Variants in ELP4 observed in about 807,000 individuals in gnomAD.
The protein encoded by ELP4 is elongator acetyltransferase complex subunit 4.
In ELP4, 51 loss-of-function variants were observed where a neutral mutation model predicts 48.9. That is an observed-to-expected ratio of 1.04 (90% CI 0.83 to 1.32). The LOEUF (loss-of-function observed/expected upper bound fraction) is 1.32, where lower values mean the gene tolerates loss of function less well. Among genes scored for constraint, ELP4 ranks in the 40% most tolerant of loss-of-function variants. ELP4 has a pLI of 0.00. For missense variants in ELP4, 519 were observed against 514.6 expected (o/e 1.01, Z -0.08); for synonymous variants, 210 against 189.2 (o/e 1.11, Z -0.90).
intron 9 of ELP4, among the ~76,000 whole-genome samples, chr11:31,705,572 A>G (rs1047090084): frequency 4.6e-5 from 7 of 152,160 alleles, no homozygotes; most frequent in Admixed American, 2.6e-4. Flanking sequence ...TTTTATTTTG[A>G]CATGTTAATT....
chr11:31,702,486 T>G (rs1258600550), intron 9 of ELP4, among the ~76,000 whole-genome samples: 5 of 152,064 alleles, frequency 3.3e-5, no homozygotes, highest in Non-Finnish European at 2.9e-5. Context: ...AACATACAAC[T>G]TTTAAATGTA....
chr11:31,642,310 C>A (rs1025511409), intron 7 of ELP4, among the ~76,000 whole-genome samples: 10 of 151,736 alleles, frequency 6.6e-5, no homozygotes, highest in African/African-American at 2.4e-4. Context: ...AACAATATTT[C>A]TGAAAGTAAA....
chr11:31,555,450 C>T (rs1385491407), intron 3 of ELP4, among the ~76,000 whole-genome samples: 2 of 151,882 alleles, frequency 1.3e-5, no homozygotes, highest in African/African-American at 4.8e-5. Context: ...ATATTTCTTA[C>T]ATATTTGTTA....
intron 9 of ELP4, among the ~76,000 whole-genome samples, chr11:31,685,095 G>A (rs1328647102): frequency 2.6e-5 from 4 of 152,182 alleles, no homozygotes; most frequent in African/African-American, 9.6e-5. Flanking sequence ...GCTCAAGCCT[G>A]TAATCCCAGC....
chr11:31,558,349 A>T (rs1307223786), intron 3 of ELP4, among the ~76,000 whole-genome samples: 3 of 152,168 alleles, frequency 2.0e-5, no homozygotes, highest in Non-Finnish European at 4.4e-5. Flanking sequence ...GAAGGATAAG[A>T]TAAAAATTAA....
At chr11:31,622,792 G>A (rs1944650704) in intron 5 of ELP4, among the ~76,000 whole-genome samples, 1 of 151,218 alleles carries the variant, frequency 6.6e-6, no homozygotes, top group Non-Finnish European at 1.5e-5. Context: ...GTGTCATTTG[G>A]CCCCTTTTAT....
intron 2 of ELP4, among the ~76,000 whole-genome samples, chr11:31,533,532 C>A (rs1031490607): frequency 6.6e-6 from 1 of 151,592 alleles, no homozygotes. Flanking sequence ...CGCCGGCCAT[C>A]AAGCCCGGCT....
At chr11:31,616,940 T>A (rs1261010392) in intron 5 of ELP4, among the ~76,000 whole-genome samples, 1 of 152,040 alleles carries the variant, frequency 6.6e-6, no homozygotes, top group Non-Finnish European at 1.5e-5. Flanking sequence ...AGATCAAGTG[T>A]TGGTTAGGAT....
intron 3 of ELP4, among the ~76,000 whole-genome samples, chr11:31,546,785 C>A (rs1424013798): frequency 6.6e-6 from 1 of 152,118 alleles, no homozygotes; most frequent in Non-Finnish European, 1.5e-5. Context: ...AACAAACTGT[C>A]TCTCAGACCA....
chr11:31,523,763 C>T (rs2133883866), intron 2 of ELP4, among the ~76,000 whole-genome samples: 1 of 151,796 alleles, frequency 6.6e-6, no homozygotes, highest in Non-Finnish European at 1.5e-5. Context: ...ATTTTAAAAT[C>T]AAAGATAGAT....
chr11:31,510,456 C>A (rs892543131), intron 1 of ELP4: 1 of 410,602 alleles, frequency 2.4e-6, no homozygotes, highest in East Asian at 3.4e-5. Context: ...AAAATGATTT[C>A]CCCTCTTTGA....
intron 9 of ELP4, among the ~76,000 whole-genome samples, chr11:31,755,488 T>C (rs1354490763): frequency 6.6e-6 from 1 of 152,188 alleles, no homozygotes; most frequent in Non-Finnish European, 1.5e-5. Flanking sequence ...ATGAACCCCT[T>C]GGTAAAATGC....
chr11:31,669,373 G>T (rs574440997), intron 9 of ELP4, among the ~76,000 whole-genome samples: 2 of 152,038 alleles, frequency 1.3e-5, no homozygotes, highest in Admixed American at 1.3e-4. Flanking sequence ...GAGCCACCGC[G>T]CCTGGCCCAC....
At chr11:31,571,036 G>A (rs1212399060) in intron 3 of ELP4, among the ~76,000 whole-genome samples, 1 of 152,006 alleles carries the variant, frequency 6.6e-6, no homozygotes, top group African/African-American at 2.4e-5. Flanking sequence ...CTGACCTCAT[G>A]TTCTACCTGT....
chr11:31,527,865 A>G lies in ELP4; in HGVS notation c.259+7774A>G, dbSNP rs117473659. Among the ~76,000 whole-genome samples the G allele has an allele frequency of 2.0e-4, 30 of 152,174 alleles. 1 individual carries two copies. The East Asian group carries it at 5.6e-3, about 28-fold the overall frequency. ...ACTTCTGACTATAAGGCCTTTAACA[A>G]TCTGCCACTGCTGATTCACTTTAGC... On this transcript the variant is annotated intron_variant, in intron 2 of 9. Transcript: ENST00000640961.
At chr11:31,535,292 G>A (rs1366126415) in intron 2 of ELP4, among the ~76,000 whole-genome samples, 2 of 152,064 alleles carry the variant, frequency 1.3e-5, no homozygotes, top group African/African-American at 4.8e-5. Context: ...ATAAATAAAT[G>A]TTATTGAATT....
intron 7 of ELP4, among the ~76,000 whole-genome samples, chr11:31,638,580 T>G (rs796100235): frequency 1.3e-5 from 2 of 152,004 alleles, no homozygotes; most frequent in South Asian, 4.1e-4. Context: ...TTAAAATATG[T>G]CTCTTGAAAA....
Position 31,673,528 on chromosome 11 carries a change from C to A in ELP4, c.1143+23307C>A, listed in dbSNP as rs540845417. On this transcript the variant is annotated intron_variant, in intron 9 of 9. Coordinates refer to ENST00000640961, the MANE Select transcript of ELP4 (RefSeq NM_019040.5). ...ATTTTTTGTAGAGATGGAGTCTCGC[C>A]GTGTTGCCCACACTGGTCTTGAACT... is the stretch of plus-strand genomic sequence containing the variant. 1.2e-4 allele frequency among the ~76,000 whole-genome samples: 19 copies of A among 152,160 alleles called. 2 individuals carry two copies. In the South Asian group the frequency reaches 3.7e-3, roughly 30 times the overall value.
chr11:31,775,693 G>A (rs1948230182), intron 9 of ELP4, among the ~76,000 whole-genome samples: 1 of 152,102 alleles, frequency 6.6e-6, no homozygotes, highest in South Asian at 2.1e-4. Context: ...AAGGCCAGGT[G>A]CGATGGTTCA....
Sources: gnomAD v4.1 joint callset for allele counts (sites outside exome capture counted in the v4.1 genomes callset) on GRCh38, gnomAD v4.1.1 for gene constraint, MANE v1.5 for transcripts, NCBI Gene and HGNC (gene_info 2026-07-23, HGNC 2026-07-21) for gene names.